SYT9: variants seen among roughly 807,000 people sequenced by gnomAD.
SYT9 encodes the protein synaptotagmin-9.
A neutral mutation model predicts 48.4 loss-of-function variants in SYT9; 22 were observed. The observed-to-expected ratio is 0.45, with a 90% CI of 0.32 to 0.65. The LOEUF is 0.65. Ranked by LOEUF, SYT9 falls within the 30% of genes least tolerant of loss-of-function variation. SYT9 has a pLI of 0.03. For missense variants in SYT9, 577 were observed against 622.0 expected, an observed-to-expected ratio of 0.93 and a Z score of 0.77; for synonymous variants, 265 against 245.0, an observed-to-expected ratio of 1.08 and a Z score of -0.76.
intron 3 of SYT9, among the ~76,000 whole-genome samples, chr11:7,407,824 A>G (rs1847051676): frequency 6.6e-6 from 1 of 152,210 alleles, no homozygotes; most frequent in South Asian, 2.1e-4. Flanking sequence ...TTCATCAAAA[A>G]TCAGTTGGCT....
chr11:7,398,689 C>G (rs531990006), intron 3 of SYT9, among the ~76,000 whole-genome samples: 2 of 152,220 alleles, frequency 1.3e-5, no homozygotes, highest in East Asian at 3.9e-4. Context: ...TTACTATTCT[C>G]GTGTACGGGT....
chr11:7,368,252 T>G (rs1408099933), intron 3 of SYT9, among the ~76,000 whole-genome samples: 2 of 152,222 alleles, frequency 1.3e-5, no homozygotes, highest in African/African-American at 4.8e-5. Context: ...TTACCCATAC[T>G]CATATTTTTA....
intron 3 of SYT9, among the ~76,000 whole-genome samples, chr11:7,399,097 T>C (rs1163397856): frequency 3.3e-5 from 5 of 152,290 alleles, no homozygotes; most frequent in African/African-American, 1.2e-4. Flanking sequence ...ACCCCTATGG[T>C]AACAGTGATA....
chr11:7,468,146 A>AATC lies in SYT9; in HGVS notation c.*1347_*1349dup, dbSNP rs1390541433. 5.0e-6 allele frequency: 2 copies of AATC among 397,476 alleles called. No homozygotes were observed. Among genetic ancestry groups the AATC allele is most frequent in the Non-Finnish European group, 8.9e-6 (2 of 225,526 alleles). 24.6% of individuals were successfully genotyped at this position (397,476 alleles called of 1,614,324 possible). ...CAAGATAGTATTTTTCTTTTCACAC[A>AATC]ATCTCTTTACAGCAGAATCCAGAGT... is the stretch of plus-strand genomic sequence containing the variant. On this transcript the variant is annotated 3_prime_UTR_variant, in exon 7 of 7. Transcript: ENST00000318881.
At chr11:7,244,934 G>T (rs1041772481) in intron 1 of SYT9, among the ~76,000 whole-genome samples, 2 of 152,210 alleles carry the variant, frequency 1.3e-5, no homozygotes. Context: ...ATGCTAAAGG[G>T]TGAAGGAGTG....
chr11:7,432,949 G>A (rs1170950293), intron 6 of SYT9, among the ~76,000 whole-genome samples: 1 of 151,988 alleles, frequency 6.6e-6, no homozygotes, highest in Non-Finnish European at 1.5e-5. Flanking sequence ...GGGCTGGGGT[G>A]GAATTATATA....
chr11:7,303,360 G>T lies in SYT9; in HGVS notation c.467G>T (p.Arg156Leu). The T allele has an allele frequency of 6.2e-7, 1 of 1,611,210 alleles. No homozygotes were observed. Among genetic ancestry groups the T allele is most frequent in the Non-Finnish European group, 8.5e-7 (1 of 1,179,318 alleles). ...ENCAHGVRVQ[R>L]QVTEPTSSAR... ...TGTGCCCATGGCGTCCGCGTGCAGC[G>T]CCAAGTCACAGAGCCAACCTCGTCG... The change falls in exon 2 of 7, where the codon CGC becomes CTC. Residue 156 changes from arginine to leucine, a missense_variant. By Grantham distance (102) the Arg-to-Leu change is moderately radical (BLOSUM62 -2). Coordinates refer to ENST00000318881, the MANE Select transcript of SYT9 (RefSeq NM_175733.4).
chr11:7,337,969 C>T (rs1477996269), intron 3 of SYT9, among the ~76,000 whole-genome samples: 2 of 152,102 alleles, frequency 1.3e-5, no homozygotes, highest in African/African-American at 4.8e-5. Context: ...TGGTAGAATT[C>T]GGCTATGAAT....
chr11:7,414,208 A>G (rs1847195001), intron 3 of SYT9, among the ~76,000 whole-genome samples: 1 of 152,184 alleles, frequency 6.6e-6, no homozygotes. Context: ...ATGTATGTTG[A>G]AAGAATTGAT....
chr11:7,369,852 T>G (rs1033631823), intron 3 of SYT9, among the ~76,000 whole-genome samples: 9 of 150,548 alleles, frequency 6.0e-5, no homozygotes, highest in African/African-American at 2.2e-4. Context: ...AACACATAAA[T>G]TTTAAAAATT....
chr11:7,386,680 AC>A (rs1219977097), intron 3 of SYT9, among the ~76,000 whole-genome samples: 1 of 152,154 alleles, frequency 6.6e-6, no homozygotes, highest in East Asian at 1.9e-4. Flanking sequence ...AGAAATAGGA[AC>A]ACTTTTACAC....
rs773917206 is a variant in SYT9 at position 7,313,734 on chromosome 11, G to C, written c.837G>C (p.Lys279Asn). 2.7e-5 allele frequency: 44 copies of C among 1,614,194 alleles called. No individual in the cohort carries two copies. Among genetic ancestry groups the C allele is most frequent in the Non-Finnish European group, 3.7e-5 (44 of 1,180,020 alleles). ...KTKHQTKVHR[K>N]TLNPVFDEVF... is the part of the protein sequence containing the mutation. ...AACACCAGACTAAAGTTCACAGAAA[G>C]ACCCTGAACCCTGTGTTTGATGAAG... Residue 279 changes from lysine (K) to asparagine (N), a missense_variant, in exon 3 of 7, where the codon AAG (lysine) becomes AAC (asparagine). By Grantham distance (94) the Lys-to-Asn change is moderately conservative. Coordinates refer to ENST00000318881, the MANE Select transcript of SYT9 (RefSeq NM_175733.4).
At chr11:7,438,843 T>C (rs958016089) in intron 6 of SYT9, 1 of 152,304 alleles carries the variant, frequency 6.6e-6, no homozygotes, top group Admixed American at 6.6e-5. Context: ...CCCCTGACTC[T>C]TGGATGTCGC....
chr11:7,270,514 G>A (rs949120779), intron 1 of SYT9, among the ~76,000 whole-genome samples: 14 of 152,066 alleles, frequency 9.2e-5, no homozygotes, highest in African/African-American at 3.1e-4. Flanking sequence ...GCTAATCAGT[G>A]AATTTCAAAT....
At chr11:7,358,659 A>C (rs988542232) in intron 3 of SYT9, among the ~76,000 whole-genome samples, 1 of 152,156 alleles carries the variant, frequency 6.6e-6, no homozygotes, top group East Asian at 1.9e-4. Context: ...TTAAATTTTC[A>C]TGTTTTTAGA....
At chr11:7,449,656 G>A (rs990200851) in intron 6 of SYT9, among the ~76,000 whole-genome samples, 1 of 152,146 alleles carries the variant, frequency 6.6e-6, no homozygotes, top group Non-Finnish European at 1.5e-5. Flanking sequence ...GACTGGGGGT[G>A]TGGAAAGCAC....
At chr11:7,339,364 A>G (rs368701933) in intron 3 of SYT9, among the ~76,000 whole-genome samples, 2 of 152,066 alleles carry the variant, frequency 1.3e-5, no homozygotes, top group African/African-American at 4.8e-5. Context: ...CAAGGTTAAT[A>G]TTGATATATG....
rs149452178 is a variant in SYT9 at position 7,239,603 on chromosome 11, T to G, written c.49+687T>G. On this transcript the variant is annotated intron_variant and NMD_transcript_variant, in intron 1 of 8. Transcript: ENST00000524820. ...TACATTAAAAAATATAGGGCTTTTC[T>G]GTAGACTAATAGATACTGAGTAAGC... 4.9e-3 allele frequency among the ~76,000 whole-genome samples: 748 copies of G among 152,304 alleles called. 7 individuals are homozygous for G. Among genetic ancestry groups the G allele is most frequent in the African/African-American group, 0.016 (666 of 41,562 alleles).
intron 1 of SYT9, among the ~76,000 whole-genome samples, chr11:7,274,181 A>G (rs1848344446): frequency 2.0e-5 from 3 of 152,202 alleles, no homozygotes; most frequent in Admixed American, 1.3e-4. Flanking sequence ...TTGATTAGTC[A>G]GAGCCTGACT....
Sources: gnomAD v4.1 joint callset for allele counts (sites outside exome capture counted in the v4.1 genomes callset) on GRCh38, gnomAD v4.1.1 for gene constraint, MANE v1.5 for transcripts, NCBI Gene and HGNC (gene_info 2026-07-23, HGNC 2026-07-21) for gene names.